Variants in RASSF8 observed in about 807,000 individuals in gnomAD.
RASSF8 encodes the protein ras association domain-containing protein 8.
Under a neutral mutation model 48.5 loss-of-function variants are expected in RASSF8, and 22 were observed. That is an observed-to-expected ratio of 0.45 (90% CI 0.32 to 0.65). The LOEUF (loss-of-function observed/expected upper bound fraction) is 0.65, where lower values mean the gene tolerates loss of function less well. RASSF8 is among the 30% of genes least tolerant of loss of function. The pLI is 0.03. For synonymous variants in RASSF8, 127 were observed against 171.5 expected, an observed-to-expected ratio of 0.74 and a Z score of 2.03; for missense variants, 418 against 489.2, an observed-to-expected ratio of 0.85 and a Z score of 1.37.
chr12:25,972,720 A>G (rs1373666827), intron 1 of RASSF8, among the ~76,000 whole-genome samples: 1 of 152,240 alleles, frequency 6.6e-6, no homozygotes, highest in East Asian at 1.9e-4. Context: ...ATACCAAAAT[A>G]TTAACATAAT....
intron 2 of RASSF8, among the ~76,000 whole-genome samples, chr12:26,054,504 T>C (rs1319457059): frequency 6.6e-6 from 1 of 152,164 alleles, no homozygotes; most frequent in Non-Finnish European, 1.5e-5. Context: ...AGTTCACACA[T>C]GAGGAAACTG....
chr12:25,980,042 T>C (rs1941702796), intron 1 of RASSF8, among the ~76,000 whole-genome samples: 1 of 152,184 alleles, frequency 6.6e-6, no homozygotes, highest in Non-Finnish European at 1.5e-5. Context: ...GTTACGAAAA[T>C]TTAGGCATGA....
At chr12:26,001,043 G>A (rs1200663631) in intron 2 of RASSF8, among the ~76,000 whole-genome samples, 1 of 134,082 alleles carries the variant, frequency 7.5e-6, no homozygotes, top group Non-Finnish European at 1.5e-5. Flanking sequence ...GGAGTGCAGT[G>A]GCATTGTCAC....
chr12:26,053,738 A>T (rs963278213), intron 2 of RASSF8, among the ~76,000 whole-genome samples: 1 of 152,236 alleles, frequency 6.6e-6, no homozygotes, highest in East Asian at 1.9e-4. Context: ...TTCTTTCTTC[A>T]TACAGGGGAT....
chr12:26,066,814 C>A (rs1450063878), intron 4 of RASSF8, among the ~76,000 whole-genome samples: 1 of 152,190 alleles, frequency 6.6e-6, no homozygotes, highest in African/African-American at 2.4e-5. Flanking sequence ...AGCCAGGGTA[C>A]TTTTTCTTAT....
At chr12:26,036,768 T>A (rs988880250) in intron 2 of RASSF8, among the ~76,000 whole-genome samples, 77 of 151,640 alleles carry the variant, frequency 5.1e-4, no homozygotes, top group Non-Finnish European at 8.5e-4. Flanking sequence ...AATAAAAAAA[T>A]AAAAAATTAG....
At chr12:26,005,739 A>T (rs1327646140) in intron 2 of RASSF8, among the ~76,000 whole-genome samples, 1 of 152,184 alleles carries the variant, frequency 6.6e-6, no homozygotes, top group Non-Finnish European at 1.5e-5. Context: ...TTATTGCCAC[A>T]TAATACCATA....
At chr12:26,078,366 G>A (rs1944089127) in intron 5 of RASSF8, among the ~76,000 whole-genome samples, 1 of 152,194 alleles carries the variant, frequency 6.6e-6, no homozygotes. Context: ...AAGGAAGTGT[G>A]GGCAGGCCAT....
chr12:26,057,396 T>G (rs181676841), intron 3 of RASSF8, among the ~76,000 whole-genome samples: 5 of 152,254 alleles, frequency 3.3e-5, no homozygotes, highest in Admixed American at 3.3e-4. Flanking sequence ...TCTGTCCTTG[T>G]GATAGTTTGC....
intron 1 of RASSF8, among the ~76,000 whole-genome samples, chr12:25,972,482 A>C (rs1941506557): frequency 6.6e-6 from 1 of 152,182 alleles, no homozygotes; most frequent in Admixed American, 6.5e-5. Context: ...AGAAACATCT[A>C]ATGGTTAATA....
At chr12:26,068,661 G>T (rs369358693) in intron 5 of RASSF8, 36 bp from the exon 6 acceptor site, 1 of 1,465,836 alleles carries the variant, frequency 6.8e-7, no homozygotes, top group Non-Finnish European at 9.2e-7. Context: ...CCAAGTTGAC[G>T]AGCTCATCAG....
chr12:25,982,245 G>T (rs1195962300), intron 1 of RASSF8, among the ~76,000 whole-genome samples: 1 of 152,166 alleles, frequency 6.6e-6, no homozygotes, highest in Non-Finnish European at 1.5e-5. Flanking sequence ...TTCTTTAATA[G>T]CTTAAAACAA....
intron 2 of RASSF8, among the ~76,000 whole-genome samples, chr12:26,001,880 A>T (rs991614984): frequency 6.6e-6 from 1 of 152,206 alleles, no homozygotes; most frequent in African/African-American, 2.4e-5. Context: ...ATCATTTTCA[A>T]ATATTATGCA....
At chr12:26,067,493 A>T in intron 4 of RASSF8, 76 bp from the exon 5 acceptor site, 1 of 1,422,350 alleles carries the variant, frequency 7.0e-7, no homozygotes, top group Admixed American at 2.1e-5. Context: ...CCTGTAGCAG[A>T]TGGATCCTCA....
chr12:26,046,397 A>G (rs1943373701), intron 2 of RASSF8, among the ~76,000 whole-genome samples: 1 of 152,224 alleles, frequency 6.6e-6, no homozygotes, highest in Non-Finnish European at 1.5e-5. Flanking sequence ...GGTAACCCTG[A>G]GTAAGTTACT....
intron 2 of RASSF8, among the ~76,000 whole-genome samples, chr12:26,002,115 C>T (rs1440773096): frequency 1.3e-5 from 2 of 152,190 alleles, no homozygotes; most frequent in Admixed American, 1.3e-4. Flanking sequence ...GACTGTATGA[C>T]ATAGTATATA....
At chr12:25,978,403 T>C (rs1941660202) in intron 1 of RASSF8, among the ~76,000 whole-genome samples, 1 of 152,246 alleles carries the variant, frequency 6.6e-6, no homozygotes, top group African/African-American at 2.4e-5. Context: ...CCTATCTTTA[T>C]TAATTTTTGA....
intron 1 of RASSF8, among the ~76,000 whole-genome samples, chr12:25,968,053 C>T (rs571997759): frequency 6.6e-6 from 1 of 152,328 alleles, no homozygotes; most frequent in African/African-American, 2.4e-5. Flanking sequence ...AGTCCATTGA[C>T]CCTGGTGCTG....
rs1565649669 is a variant in RASSF8 at position 26,068,680 on chromosome 12, C to T, written c.1139-17C>T. 6.5e-7 allele frequency: 1 copy of T among 1,531,310 alleles called. No homozygotes were observed. Among genetic ancestry groups the T allele is most frequent in the Admixed American group, 2.0e-5 (1 of 50,944 alleles). 94.9% of individuals were successfully genotyped at this position (1,531,310 alleles called of 1,614,324 possible). ...GTTGACGAGCTCATCAGGTGGCTCT[C>T]TTTGTTTCCTGTTTAGAGGCACCAT... On this transcript the variant is annotated splice_polypyrimidine_tract_variant and intron_variant, in intron 5 of 5. Transcript: ENST00000689635.
Sources: allele counts gnomAD v4.1 joint callset (sites outside exome capture counted in the v4.1 genomes callset), GRCh38; gene constraint gnomAD v4.1.1; transcripts MANE v1.5; gene names NCBI Gene and HGNC (gene_info 2026-07-23, HGNC 2026-07-21).